Variants in DPF3 observed in about 807,000 individuals in gnomAD.
The protein encoded by DPF3 is double PHD fingers 3.
Under a neutral mutation model 56.8 loss-of-function variants are expected in DPF3, and 18 were observed. That is an observed-to-expected ratio of 0.32 (90% CI 0.22 to 0.47). DPF3 has a LOEUF of 0.47. Among genes scored for constraint, DPF3 ranks in the 20% least tolerant of loss-of-function variants. The pLI is 1.00. For synonymous variants in DPF3, 188 were observed against 180.2 expected (o/e 1.04, Z -0.35); for missense variants, 403 against 488.8 (o/e 0.82, Z 1.65).
chr14:72,727,466 C>G (rs1889451530), intron 4 of DPF3, among the ~76,000 whole-genome samples: 1 of 151,956 alleles, frequency 6.6e-6, no homozygotes, highest in African/African-American at 2.4e-5. Context: ...ATCCCAGCTA[C>G]TCAGAAGGCT....
intron 4 of DPF3, among the ~76,000 whole-genome samples, chr14:72,726,618 TAACA>T (rs1355755562): frequency 6.6e-6 from 1 of 152,192 alleles, no homozygotes; most frequent in African/African-American, 2.4e-5. Flanking sequence ...CAGGAGTTTC[TAACA>T]AACAAAGCTT....
chr14:72,626,084 T>C (rs1884810899), intron 9 of DPF3, among the ~76,000 whole-genome samples: 1 of 152,232 alleles, frequency 6.6e-6, no homozygotes, highest in African/African-American at 2.4e-5. Flanking sequence ...AGTTACATTA[T>C]CTATTTACGT....
chr14:72,879,906 C>T (rs1020528757), intron 1 of DPF3: 12 of 1,516,206 alleles, frequency 7.9e-6, no homozygotes, highest in South Asian at 3.7e-5. Flanking sequence ...GCGTGTTTTC[C>T]GGGGAGATGA....
Position 72,731,175 on chromosome 14 carries a change from A to G in DPF3, c.429+632T>C, listed in dbSNP as rs140058744. On this transcript the variant is annotated intron_variant, in intron 4 of 10. Transcript: ENST00000556509. Reference sequence around the variant, plus strand: ...TGACAGAGCGAGACTCTGTCTCAAAAAAAGAAAAAGAAAAAGAAAAAGAAA... The same window carrying G: ...TGACAGAGCGAGACTCTGTCTCAAAGAAAGAAAAAGAAAAAGAAAAAGAAA... Among the ~76,000 whole-genome samples, 956 of 151,150 alleles carry G rather than the reference A, an allele frequency of 6.3e-3. 11 individuals are homozygous for G. Among genetic ancestry groups the G allele is most frequent in the African/African-American group, 0.022 (898 of 40,598 alleles).
intron 1 of DPF3, among the ~76,000 whole-genome samples, chr14:72,863,292 T>C (rs1203722668): frequency 6.6e-6 from 1 of 151,502 alleles, no homozygotes; most frequent in Non-Finnish European, 1.5e-5. Context: ...GACCACCTCC[T>C]CTCCTCCCCG....
chr14:72,850,655 T>C (rs535279015), intron 1 of DPF3, among the ~76,000 whole-genome samples: 1 of 152,306 alleles, frequency 6.6e-6, no homozygotes, highest in African/African-American at 2.4e-5. Context: ...TTTTGTGCCA[T>C]GACAATCTGA....
At chr14:72,735,086 CCA>C (rs1599394811) in intron 3 of DPF3, among the ~76,000 whole-genome samples, 1 of 151,974 alleles carries the variant, frequency 6.6e-6, no homozygotes, top group East Asian at 1.9e-4. Context: ...GCCTTCAGAC[CCA>C]GTCACCTAAT....
Position 72,619,281 on chromosome 14 carries a change from T to G in DPF3, c.*16A>C, listed in dbSNP as rs531595037. 18 of 1,535,856 alleles carry G rather than the reference T, an allele frequency of 1.2e-5. No individual in the cohort carries two copies. In the African/African-American group the frequency reaches 1.8e-4, roughly 15 times the overall value. On this transcript the variant is annotated 3_prime_UTR_variant, in exon 11 of 11. Transcript: ENST00000556509. ...TAGGATCTCCAGCAGCGAGTCACATTCTGTGACCTGGGGCCCTAGGCCTGG... is the reference window on the plus strand; with the variant it reads ...TAGGATCTCCAGCAGCGAGTCACATGCTGTGACCTGGGGCCCTAGGCCTGG...
chr14:72,635,640 A>C (rs1177604775), intron 8 of DPF3, among the ~76,000 whole-genome samples: 1 of 152,236 alleles, frequency 6.6e-6, no homozygotes. Flanking sequence ...TGCAACTTAA[A>C]AGCTAACCTA....
Position 72,659,280 on chromosome 14 carries a change from AC to A in DPF3, c.871+14959del, listed in dbSNP as rs1216613454. ...ACCCCAGAGCTAACCATCTATGGTA[AC>A]TACATGTTTCCGAGTGGATGAGGAA... is the stretch of plus-strand genomic sequence containing the variant. On this transcript the variant is annotated intron_variant, in intron 8 of 10. Coordinates refer to ENST00000556509, the MANE Select transcript of DPF3 (RefSeq NM_001280542.3). Among the ~76,000 whole-genome samples the A allele has an allele frequency of 3.9e-5, 6 of 152,346 alleles. No individual in the cohort carries two copies. In the East Asian group the frequency reaches 1.2e-3, roughly 29 times the overall value.
At chr14:72,744,062 G>A (rs1890233469) in intron 3 of DPF3, among the ~76,000 whole-genome samples, 1 of 152,240 alleles carries the variant, frequency 6.6e-6, no homozygotes, top group Non-Finnish European at 1.5e-5. Flanking sequence ...CAGGGACACT[G>A]AGAACACTTG....
chr14:72,780,437 G>A (rs1275560813), intron 1 of DPF3, among the ~76,000 whole-genome samples: 1 of 152,188 alleles, frequency 6.6e-6, no homozygotes, highest in Non-Finnish European at 1.5e-5. Context: ...ACCCAACCAT[G>A]CACAGTACTG....
intron 1 of DPF3, among the ~76,000 whole-genome samples, chr14:72,889,485 A>G (rs1341935133): frequency 6.6e-6 from 1 of 152,202 alleles, no homozygotes; most frequent in Non-Finnish European, 1.5e-5. Context: ...CATAAAAGGC[A>G]GCAAGTTCAC....
At chr14:72,625,470 C>A (rs1567180534) in intron 9 of DPF3, among the ~76,000 whole-genome samples, 1 of 152,170 alleles carries the variant, frequency 6.6e-6, no homozygotes, top group Non-Finnish European at 1.5e-5. Flanking sequence ...ACCACATAAT[C>A]CTCCAGGCTT....
chr14:72,821,398 C>T (rs1883536283), intron 1 of DPF3, among the ~76,000 whole-genome samples: 1 of 152,098 alleles, frequency 6.6e-6, no homozygotes, highest in South Asian at 2.1e-4. Flanking sequence ...GCCTGGGCAA[C>T]ATAGCAAGAC....
In DPF3 at chr14:72,873,281, T is replaced by G. The variant is rs533866445; in HGVS notation, c.32+20776A>C. Among the ~76,000 whole-genome samples the G allele has an allele frequency of 3.3e-5, 5 of 152,304 alleles. No homozygotes were observed. The East Asian group carries it at 9.6e-4, about 29-fold the overall frequency. On this transcript the variant is annotated intron_variant, in intron 1 of 10. Transcript: ENST00000556509. ...GGCGAAGGATATAAACAGACACTTC[T>G]CAAAAGAAGATATTTATGCAGCCAA...
chr14:72,661,315 T>C, intron 8 of DPF3: 1 of 985,448 alleles, frequency 1.0e-6, no homozygotes, highest in Non-Finnish European at 1.2e-6. Flanking sequence ...CTGAAAGGAC[T>C]GGCAGGAAGT....
rs9671327 is a variant in DPF3 at position 72,849,831 on chromosome 14, G to A, written c.32+44226C>T. ...GCTTTTTGAAAACTGAGTTAGCTAG[G>A]TTTAGGCTGGGCACAGTGGCTCATG... On this transcript the variant is annotated intron_variant, in intron 1 of 10. Coordinates refer to ENST00000556509, the MANE Select transcript of DPF3 (RefSeq NM_001280542.3). Among the ~76,000 whole-genome samples the A allele has an allele frequency of 7.9e-5, 12 of 151,964 alleles. No homozygotes were observed. The South Asian group carries it at 2.1e-3, about 26-fold the overall frequency.
chr14:72,821,845 A>AT (rs1883559399), intron 1 of DPF3, among the ~76,000 whole-genome samples: 2 of 12,292 alleles, frequency 1.6e-4, no homozygotes, highest in South Asian at 0.011. Flanking sequence ...ATCTCCACTA[A>AT]ATTTTTTTTT....
Sources: gnomAD v4.1 joint callset for allele counts (sites outside exome capture counted in the v4.1 genomes callset) on GRCh38, gnomAD v4.1.1 for gene constraint, MANE v1.5 for transcripts, NCBI Gene and HGNC (gene_info 2026-07-23, HGNC 2026-07-21) for gene names.